CTPS2: variants seen among roughly 807,000 people sequenced by gnomAD.
CTPS2 encodes the protein CTP synthase II.
CTPS2 carries 19 observed loss-of-function variants against 46.8 expected under a neutral mutation model. The observed-to-expected ratio is 0.41, with a 90% CI of 0.28 to 0.60. The LOEUF (loss-of-function observed/expected upper bound fraction) is 0.60, where lower values mean the gene tolerates loss of function less well. Among genes scored for constraint, CTPS2 ranks in the 20% least tolerant of loss-of-function variants. CTPS2 has a pLI of 0.35. For synonymous variants in CTPS2, 151 were observed against 165.2 expected (o/e 0.91, Z 0.66); for missense variants, 286 against 447.6 (o/e 0.64, Z 3.26).
Position 16,683,031 on chromosome X carries a change from C to T in CTPS2, c.1005+63G>A, listed in dbSNP as rs1922869333. 2.5e-6 allele frequency: 3 copies of T among 1,183,162 alleles called. No individual in the cohort carries two copies. The South Asian group carries it at 5.5e-5, about 22-fold the overall frequency. On this transcript the variant is annotated intron_variant, in intron 9 of 18. Transcript: ENST00000359276. ...AGGGACCCTTTAACAAAACTTGCCC[C>T]TCTGGAACATGTGCTATTGGCATGA...
At chrX:16,634,229 TTC>T (rs1931626007) in intron 14 of CTPS2, among the ~76,000 whole-genome samples, 1 of 111,929 alleles carries the variant, frequency 8.9e-6, no homozygotes, top group African/African-American at 3.2e-5. Flanking sequence ...AGAAAAAATC[TTC>T]TTTCTTTTTT....
At chrX:16,682,076 A>G (rs1050572797) in intron 9 of CTPS2, among the ~76,000 whole-genome samples, 1 of 112,157 alleles carries the variant, frequency 8.9e-6, no homozygotes, top group Non-Finnish European at 1.9e-5. Flanking sequence ...AAAATGTCCT[A>G]TTATTTTCCT....
chrX:16,616,705 GT>G (rs2147196931), intron 16 of CTPS2, among the ~76,000 whole-genome samples: 1 of 111,601 alleles, frequency 9.0e-6, no homozygotes, highest in Non-Finnish European at 1.9e-5. Context: ...TAAGCAGTCT[GT>G]TTTTCTGAGA....
intron 8 of CTPS2, 102 bp downstream of exon 8, chrX:16,689,348 G>T: frequency 1.2e-6 from 1 of 840,543 alleles, no homozygotes; most frequent in Non-Finnish European, 1.7e-6. Context: ...ATGTGCACAC[G>T]CAAAATGCCA....
intron 14 of CTPS2, among the ~76,000 whole-genome samples, chrX:16,636,904 C>G (rs113183050): frequency 0.028 from 3,065 of 109,889 alleles, 115 homozygotes; most frequent in African/African-American, 0.096. Context: ...GCGACAGAGC[C>G]AGACTCCGTC....
At chrX:16,604,450 C>A (rs1929853292) in intron 17 of CTPS2, among the ~76,000 whole-genome samples, 1 of 111,994 alleles carries the variant, frequency 8.9e-6, no homozygotes, top group African/African-American at 3.2e-5. Context: ...AAGAGCCTTG[C>A]AGGCAGCCAC....
intron 13 of CTPS2, among the ~76,000 whole-genome samples, chrX:16,649,691 G>A (rs906527120): frequency 9.0e-6 from 1 of 111,659 alleles, no homozygotes; most frequent in Non-Finnish European, 1.9e-5. Flanking sequence ...ATGTCTTGCT[G>A]TGTTGACCAG....
intron 14 of CTPS2, among the ~76,000 whole-genome samples, chrX:16,623,403 TA>T (rs761998739): frequency 1.8e-5 from 2 of 111,479 alleles, no homozygotes; most frequent in South Asian, 7.6e-4. Context: ...CCCACCTCCC[TA>T]CCAGCCCCCC....
chrX:16,693,493 A>C lies in CTPS2; in HGVS notation c.439-6T>G, dbSNP rs757919253. 1.8e-5 allele frequency: 20 copies of C among 1,127,773 alleles called. No homozygotes were observed. The highest frequency in any genetic ancestry group is 3.7e-5 in the South Asian group (2 of 53,519). 92.9% of individuals were successfully genotyped at this position (1,127,773 alleles called of 1,213,427 possible). On this transcript the variant is annotated splice_region_variant and splice_polypyrimidine_tract_variant and intron_variant, in intron 4 of 18. Transcript: ENST00000359276. ...TCTCCAATGGTGCCTCCCAGCTGGGAATGGAAAACAAACAAAAAAAGACAC... is the reference window on the plus strand; with the variant it reads ...TCTCCAATGGTGCCTCCCAGCTGGGCATGGAAAACAAACAAAAAAAGACAC...
intron 12 of CTPS2, 48 bp from the exon 13 acceptor site, chrX:16,667,605 A>G (rs1342788633): frequency 8.3e-7 from 1 of 1,203,189 alleles, no homozygotes; most frequent in African/African-American, 1.7e-5. Context: ...GTGCTGAAAA[A>G]TATTTGAAGA....
chrX:16,592,484 C>T (rs183681145), intron 17 of CTPS2, among the ~76,000 whole-genome samples: 6 of 111,822 alleles, frequency 5.4e-5, no homozygotes, highest in Admixed American at 9.5e-5. Context: ...GACCACAGCA[C>T]CTCCCTAGAT....
At chrX:16,651,717 A>C (rs1477064865) in intron 13 of CTPS2, among the ~76,000 whole-genome samples, 1 of 112,377 alleles carries the variant, frequency 8.9e-6, no homozygotes, top group Non-Finnish European at 1.9e-5. Context: ...GAAAGGACTA[A>C]ATTTCCTGGG....
Position 16,693,330 on chromosome X carries a change from T to G in CTPS2, c.555+41A>C, listed in dbSNP as rs1602276295. 8 of 1,084,727 alleles carry G rather than the reference T, an allele frequency of 7.4e-6. No individual in the cohort carries two copies. The East Asian group carries it at 2.1e-4, about 29-fold the overall frequency. The allele number at this position is 1,084,727 out of a possible 1,213,427, so 89.4% of individuals were successfully genotyped here. A position where few individuals can be genotyped will look rare whatever the true frequency, so the allele number is the denominator to read the frequency against. ...GACACATAGAATATCATAGGAAAAC[T>G]TATCAAAGTTGCTGTCCACATACTT... is the stretch of plus-strand genomic sequence containing the variant. On this transcript the variant is annotated intron_variant, in intron 5 of 18. Coordinates refer to ENST00000359276, the MANE Select transcript of CTPS2 (RefSeq NM_175859.3).
chrX:16,664,539 T>C (rs6632863), intron 13 of CTPS2, among the ~76,000 whole-genome samples: 46,572 of 110,425 alleles, frequency 0.42, 7,254 homozygotes, highest in African/African-American at 0.49. Context: ...AAAAACTGTG[T>C]AGAGTATGCT....
At chrX:16,610,144 G>A (rs1186792361) in intron 16 of CTPS2, among the ~76,000 whole-genome samples, 1 of 111,134 alleles carries the variant, frequency 9.0e-6, no homozygotes, top group Non-Finnish European at 1.9e-5. Flanking sequence ...GGCTACCCTT[G>A]GGAACCCAAC....
At chrX:16,696,699 A>G (rs1221685343) in intron 4 of CTPS2, among the ~76,000 whole-genome samples, 1 of 111,092 alleles carries the variant, frequency 9.0e-6, no homozygotes, top group African/African-American at 3.3e-5. Context: ...CCGAGGCAAC[A>G]TAGCGAGACC....
chrX:16,620,209 G>A (rs1930746985), intron 15 of CTPS2, 68 bp downstream of exon 15: 1 of 926,504 alleles, frequency 1.1e-6, no homozygotes, highest in African/African-American at 1.9e-5. Context: ...CAGAGGCTCA[G>A]CTTGTAATCA....
In CTPS2 at chrX:16,612,536, T is replaced by C. The variant is rs990075196; in HGVS notation, c.1547-2851A>G. The stretch of plus-strand genomic sequence containing the variant: ...TAAGTACTTAAACAAAGTAAACAAA[T>C]AGTAATTTGCTTAAGAAATTTTCTG... On this transcript the variant is annotated intron_variant, in intron 16 of 18. Coordinates refer to ENST00000359276, the MANE Select transcript of CTPS2 (RefSeq NM_175859.3). Among the ~76,000 whole-genome samples, 20 of 112,277 alleles carry C rather than the reference T, an allele frequency of 1.8e-4. No homozygotes were observed. In the Admixed American group the frequency reaches 1.9e-3, roughly 11 times the overall value.
At chrX:16,620,647 G>A (rs938691513) in intron 14 of CTPS2, among the ~76,000 whole-genome samples, 5 of 112,127 alleles carry the variant, frequency 4.5e-5, no homozygotes, top group Non-Finnish European at 7.5e-5. Flanking sequence ...ACTAAGAGAC[G>A]GCCATGTCTG....
Sources: allele counts gnomAD v4.1 joint callset (sites outside exome capture counted in the v4.1 genomes callset), GRCh38; gene constraint gnomAD v4.1.1; transcripts MANE v1.5; gene names NCBI Gene and HGNC (gene_info 2026-07-23, HGNC 2026-07-21).